NIT2: variants seen among roughly 807,000 people sequenced by gnomAD.
NIT2 encodes the protein nitrilase family member 2, also known as omega-amidase NIT2.
A neutral mutation model predicts 42.7 loss-of-function variants in NIT2; 46 were observed. That is an observed-to-expected ratio of 1.08 (90% CI 0.85 to 1.38). The LOEUF is 1.38. Ranked by LOEUF, NIT2 falls within the 40% of genes most tolerant of loss-of-function variation. The pLI is 0.00. For missense variants in NIT2, 309 were observed against 342.5 expected (o/e 0.90, Z 0.77); for synonymous variants, 123 against 121.9 (o/e 1.01, Z -0.06).
intron 1 of NIT2, among the ~76,000 whole-genome samples, chr3:100,337,205 G>A (rs76077161): frequency 1.2e-4 from 18 of 152,264 alleles, no homozygotes; most frequent in East Asian, 9.7e-4. Context: ...AGAATTTTTC[G>A]TAGTACAGAA....
Position 100,358,871 on chromosome 3 carries a change from T to C in NIT2, c.*3603T>C, listed in dbSNP as rs1230781861. The C allele has an allele frequency of 6.6e-6, 1 of 152,208 alleles. No homozygotes were observed. Among genetic ancestry groups the C allele is most frequent in the Non-Finnish European group, 1.5e-5 (1 of 68,032 alleles). 9.4% of individuals were successfully genotyped at this position (152,208 alleles called of 1,614,324 possible). ...AGTCTTTTGTGCTACTTTTTAGGCA[T>C]TGCTGTGTAAGTTTTGGTGGTGCGT... On this transcript the variant is annotated 3_prime_UTR_variant, in exon 10 of 10. Transcript: ENST00000394140.
intron 1 of NIT2, chr3:100,334,999 G>A (rs1000944250): frequency 3.5e-6 from 2 of 573,950 alleles, no homozygotes; most frequent in Admixed American, 2.9e-5. Flanking sequence ...CAGGCTTCCG[G>A]GGTGGCGGGC....
chr3:100,345,959 C>T (rs1706212528), intron 5 of NIT2: 1 of 596,508 alleles, frequency 1.7e-6, no homozygotes, highest in Non-Finnish European at 3.0e-6. Context: ...AATAAGCATT[C>T]AATTAGAATG....
At chr3:100,337,108 C>G (rs1706085659) in intron 1 of NIT2, among the ~76,000 whole-genome samples, 1 of 152,186 alleles carries the variant, frequency 6.6e-6, no homozygotes, top group Non-Finnish European at 1.5e-5. Context: ...AGCCCTTAAT[C>G]CATTTAACCC....
intron 4 of NIT2, among the ~76,000 whole-genome samples, chr3:100,344,109 C>T (rs1289949357): frequency 6.6e-6 from 1 of 152,202 alleles, no homozygotes; most frequent in African/African-American, 2.4e-5. Context: ...AGGGCTCTCC[C>T]TCTTTGCTTT....
At chr3:100,350,593 T>C (rs532126384) in intron 7 of NIT2, among the ~76,000 whole-genome samples, 1 of 152,268 alleles carries the variant, frequency 6.6e-6, no homozygotes, top group East Asian at 1.9e-4. Flanking sequence ...CTGTGCATGG[T>C]AGGATGTTTA....
chr3:100,349,107 ACTTT>A, intron 7 of NIT2: 2 of 316,776 alleles, frequency 6.3e-6, no homozygotes, highest in Admixed American at 5.0e-5. Context: ...TGGAAACTGT[ACTTT>A]TTTTTTTTTT....
At chr3:100,338,294 G>C (rs1208004522) in intron 1 of NIT2, among the ~76,000 whole-genome samples, 2 of 152,208 alleles carry the variant, frequency 1.3e-5, no homozygotes, top group Non-Finnish European at 1.5e-5. Flanking sequence ...CAAGAGAAAA[G>C]TGCTGTTAGC....
chr3:100,349,547 C>A, intron 7 of NIT2: 1 of 152,422 alleles, frequency 6.6e-6, no homozygotes, highest in Non-Finnish European at 1.5e-5. Context: ...AACCACAGAG[C>A]TTATGTCTTC....
chr3:100,350,589 ATGGTAGGATGT>A (rs1352456699), intron 7 of NIT2, among the ~76,000 whole-genome samples: 2 of 152,154 alleles, frequency 1.3e-5, no homozygotes, highest in Non-Finnish European at 2.9e-5. Flanking sequence ...TGTCCTGTGC[ATGGTAGGATGT>A]TTAGCAGCAT....
intron 4 of NIT2, among the ~76,000 whole-genome samples, chr3:100,343,660 CTGATAAT>C (rs1255278659): frequency 6.6e-6 from 1 of 152,136 alleles, no homozygotes; most frequent in African/African-American, 2.4e-5. Flanking sequence ...GCTTTAAAGT[CTGATAAT>C]TATCACATCT....
At chr3:100,335,842 C>T (rs1706063775) in intron 1 of NIT2, among the ~76,000 whole-genome samples, 2 of 152,222 alleles carry the variant, frequency 1.3e-5, no homozygotes, top group Non-Finnish European at 2.9e-5. Context: ...GACACCTTGT[C>T]TGTACTAAAA....
At chr3:100,345,739 T>A in intron 5 of NIT2, 61 bp downstream of exon 5, 1 of 1,048,646 alleles carries the variant, frequency 9.5e-7, no homozygotes, top group African/African-American at 1.6e-5. Context: ...AGGTATTTAT[T>A]TCTTTTTTGT....
chr3:100,335,576 T>G (rs1206828454), intron 1 of NIT2, among the ~76,000 whole-genome samples: 1 of 152,182 alleles, frequency 6.6e-6, no homozygotes, highest in Non-Finnish European at 1.5e-5. Context: ...TGCTGCAGCA[T>G]GTCTGTAGAG....
intron 8 of NIT2, among the ~76,000 whole-genome samples, chr3:100,354,233 T>C (rs540143764): frequency 1.3e-5 from 2 of 152,316 alleles, no homozygotes; most frequent in South Asian, 2.1e-4. Context: ...AATCTGAAAC[T>C]GAAGCCCATT....
intron 4 of NIT2, among the ~76,000 whole-genome samples, chr3:100,342,426 T>G (rs1706166759): frequency 6.6e-6 from 1 of 152,096 alleles, no homozygotes. Context: ...TTTTTTCCCT[T>G]TGTTCATCTT....
At chr3:100,348,229 T>G (rs1201415813) in intron 6 of NIT2, among the ~76,000 whole-genome samples, 1 of 152,250 alleles carries the variant, frequency 6.6e-6, no homozygotes, top group Non-Finnish European at 1.5e-5. Context: ...GAAATATTCA[T>G]GACGCTTCCT....
Position 100,339,797 on chromosome 3 carries a change from C to T in NIT2, c.127-18C>T, listed in dbSNP as rs761675871. On this transcript the variant is annotated intron_variant, in intron 2 of 9. Transcript: ENST00000394140. Reference sequence around the variant, plus strand: ...TGGGTGTTTTGATCTTTTTTTTTCTCTGCCAATATTTTTCTAGGAATGCTT... The same window carrying T: ...TGGGTGTTTTGATCTTTTTTTTTCTTTGCCAATATTTTTCTAGGAATGCTT... 1.9e-6 allele frequency: 3 copies of T among 1,590,592 alleles called. No individual in the cohort carries two copies. Among genetic ancestry groups the T allele is most frequent in the African/African-American group, 1.4e-5 (1 of 73,364 alleles).
At chr3:100,345,737 ATTTC>A in intron 5 of NIT2, 59 bp downstream of exon 5, 1 of 1,088,474 alleles carries the variant, frequency 9.2e-7, no homozygotes, top group East Asian at 2.4e-5. Flanking sequence ...TCAGGTATTT[ATTTC>A]TTTTTTGTCT....
Sources: allele counts gnomAD v4.1 joint callset (sites outside exome capture counted in the v4.1 genomes callset), GRCh38; gene constraint gnomAD v4.1.1; transcripts MANE v1.5; gene names NCBI Gene and HGNC (gene_info 2026-07-23, HGNC 2026-07-21).